MCF2L2: variants seen among roughly 807,000 people sequenced by gnomAD.
MCF2L2 encodes MCF.2 cell line derived transforming sequence-like 2, also known as probable guanine nucleotide exchange factor MCF2L2.
Under a neutral mutation model 150.2 loss-of-function variants are expected in MCF2L2, and 102 were observed. The ratio of observed to expected loss-of-function variants is 0.68; its 90% confidence interval spans 0.58 to 0.80. The LOEUF is 0.80. Ranked by LOEUF, MCF2L2 falls within the 30% of genes least tolerant of loss-of-function variation. MCF2L2 has a pLI of 0.00. For synonymous variants in MCF2L2, 465 were observed against 491.3 expected, an observed-to-expected ratio of 0.95 and a Z score of 0.71; for missense variants, 1,256 against 1,372.8, an observed-to-expected ratio of 0.91 and a Z score of 1.34.
intron 15 of MCF2L2, among the ~76,000 whole-genome samples, chr3:183,243,899 G>A (rs111536946): frequency 0.021 from 3,171 of 152,228 alleles, 107 homozygotes; most frequent in African/African-American, 0.073. Flanking sequence ...CACTTTGGGA[G>A]GCCAAGGCAG....
chr3:183,341,395 G>C, intron 4 of MCF2L2, 145 bp downstream of exon 4: 1 of 651,962 alleles, frequency 1.5e-6, no homozygotes, highest in Non-Finnish European at 2.7e-6. Context: ...GAGGAGATAG[G>C]GATGTGACAT....
intron 25 of MCF2L2, among the ~76,000 whole-genome samples, chr3:183,202,415 A>C (rs573035433): frequency 6.6e-6 from 1 of 152,346 alleles, no homozygotes; most frequent in South Asian, 2.1e-4. Context: ...ATGAGACTCT[A>C]GAAGACCATG....
intron 17 of MCF2L2, among the ~76,000 whole-genome samples, chr3:183,228,960 C>A (rs1321757637): frequency 6.6e-6 from 1 of 152,124 alleles, no homozygotes; most frequent in East Asian, 1.9e-4. Context: ...TACATAACTT[C>A]TCTGGGGAAA....
intron 14 of MCF2L2, among the ~76,000 whole-genome samples, chr3:183,277,594 A>T (rs1438861594): frequency 6.6e-6 from 1 of 151,872 alleles, no homozygotes; most frequent in African/African-American, 2.4e-5. Context: ...TAACTAAAGA[A>T]GTACCTGGGA....
At chr3:183,378,348 G>C (rs891161090) in intron 3 of MCF2L2, 2 of 152,390 alleles carry the variant, frequency 1.3e-5, no homozygotes, top group African/African-American at 4.8e-5. Flanking sequence ...AGGGGGTTTA[G>C]ACCCCGCTCT....
At chr3:183,285,663 A>AT (rs1174742895) in intron 14 of MCF2L2, among the ~76,000 whole-genome samples, 2 of 152,052 alleles carry the variant, frequency 1.3e-5, no homozygotes, top group African/African-American at 4.8e-5. Context: ...TTATTTATTT[A>AT]TTTTTTTAAT....
At chr3:183,343,285 T>C (rs989150064) in intron 3 of MCF2L2, among the ~76,000 whole-genome samples, 2 of 152,180 alleles carry the variant, frequency 1.3e-5, no homozygotes. Flanking sequence ...TAGAGCAGAC[T>C]TTTACATAAA....
At chr3:183,418,202 A>G (rs1359700131) in intron 1 of MCF2L2, among the ~76,000 whole-genome samples, 1 of 152,108 alleles carries the variant, frequency 6.6e-6, no homozygotes, top group East Asian at 1.9e-4. Context: ...AATTAAATAA[A>G]TAAATAAACC....
chr3:183,229,370 G>C (rs989152237), intron 17 of MCF2L2, among the ~76,000 whole-genome samples: 11 of 152,154 alleles, frequency 7.2e-5, no homozygotes, highest in African/African-American at 2.7e-4. Context: ...GCACAGAACA[G>C]GTGCTCAAAA....
chr3:183,181,272 C>T lies in MCF2L2; in HGVS notation c.3017-1113G>A, dbSNP rs1436796586. Among the ~76,000 whole-genome samples the T allele has an allele frequency of 1.3e-5, 2 of 152,112 alleles. No homozygotes were observed. Among genetic ancestry groups the T allele is most frequent in the African/African-American group, 2.4e-5 (1 of 41,430 alleles). On this transcript the variant is annotated intron_variant, in intron 27 of 29. Coordinates refer to ENST00000328913, the MANE Select transcript of MCF2L2 (RefSeq NM_015078.4). This position sits in a 1 kb window ranked among gnomAD's most constrained non-coding sequence, Gnocchi z 4.3. Reference sequence around the variant, plus strand: ...CCCCAACAAGCCACGTTCTGGGCCCCAGGCCCTCCCCAGAGCAGATCAGTG... The same window carrying T: ...CCCCAACAAGCCACGTTCTGGGCCCTAGGCCCTCCCCAGAGCAGATCAGTG...
chr3:183,339,518 T>C (rs932315577), intron 4 of MCF2L2, among the ~76,000 whole-genome samples: 19 of 152,222 alleles, frequency 1.2e-4, no homozygotes, highest in African/African-American at 4.3e-4. Flanking sequence ...TTTATCCACA[T>C]CTTGGAATAT....
chr3:183,401,689 A>T (rs546274693), intron 1 of MCF2L2, among the ~76,000 whole-genome samples: 1 of 152,320 alleles, frequency 6.6e-6, no homozygotes, highest in Non-Finnish European at 1.5e-5. Context: ...TGTTAATAAT[A>T]CAGTATTGAT....
At chr3:183,259,745 T>TG (rs956705673) in intron 15 of MCF2L2, among the ~76,000 whole-genome samples, 1 of 152,184 alleles carries the variant, frequency 6.6e-6, no homozygotes, top group African/African-American at 2.4e-5. Flanking sequence ...TCTCCATCCT[T>TG]GGAGTCCCTG....
At chr3:183,224,295 G>T in intron 18 of MCF2L2, 105 bp from the exon 19 acceptor site, 1 of 743,946 alleles carries the variant, frequency 1.3e-6, no homozygotes, top group Non-Finnish European at 2.3e-6. Flanking sequence ...GTATTCTAAT[G>T]TGTAAGGAAT....
At chr3:183,402,847 G>A (rs13078894) in intron 1 of MCF2L2, among the ~76,000 whole-genome samples, 54,040 of 150,854 alleles carry the variant, frequency 0.36, 9,783 homozygotes, top group Middle Eastern at 0.41. Context: ...ACTGAGTCTC[G>A]CCTCATATCA....
chr3:183,252,598 C>T (rs1391327116), intron 15 of MCF2L2, among the ~76,000 whole-genome samples: 1 of 152,154 alleles, frequency 6.6e-6, no homozygotes, highest in African/African-American at 2.4e-5. Flanking sequence ...AATCCTCCTG[C>T]GGCTCAGCCT....
At chr3:183,332,318 T>C (rs1730305910) in intron 5 of MCF2L2, among the ~76,000 whole-genome samples, 1 of 152,180 alleles carries the variant, frequency 6.6e-6, no homozygotes, top group Non-Finnish European at 1.5e-5. Context: ...CCCTACTCAA[T>C]GTGCCCAGGG....
At chr3:183,296,033 G>C (rs1403286634) in intron 12 of MCF2L2, 1 of 153,346 alleles carries the variant, frequency 6.5e-6, no homozygotes, top group Non-Finnish European at 1.5e-5. Flanking sequence ...ATTTTGGCCT[G>C]AGTCCATGGA....
At chr3:183,230,265 C>A (rs944803964) in intron 16 of MCF2L2, among the ~76,000 whole-genome samples, 1 of 152,058 alleles carries the variant, frequency 6.6e-6, no homozygotes, top group Admixed American at 6.5e-5. Flanking sequence ...AGGCACACAC[C>A]ACCACACCTG....
Sources: allele counts gnomAD v4.1 joint callset (sites outside exome capture counted in the v4.1 genomes callset), GRCh38; gene constraint gnomAD v4.1.1; non-coding constraint Gnocchi (gnomAD v3.1); transcripts MANE v1.5; gene names NCBI Gene and HGNC (gene_info 2026-07-23, HGNC 2026-07-21).